Variants in NIN observed in about 807,000 individuals in gnomAD.
NIN encodes the protein glycogen synthase kinase 3 beta-interacting protein.
Under a neutral mutation model 257.6 loss-of-function variants are expected in NIN, and 137 were observed. The ratio of observed to expected loss-of-function variants is 0.53; its 90% CI spans 0.46 to 0.61. The LOEUF is 0.61. Ranked by LOEUF, NIN falls within the 20% of genes least tolerant of loss-of-function variation. The probability of loss-of-function intolerance (pLI) is 0.00; values close to 1 mark genes in which losing one functional copy is unlikely to be tolerated. For synonymous variants in NIN, 918 were observed against 919.8 expected (o/e 1.00, Z 0.04); for missense variants, 2,439 against 2,501.2 (o/e 0.98, Z 0.53).
chr14:50,778,630 G>A (rs2043009767), intron 6 of NIN, 135 bp downstream of exon 6: 1 of 747,760 alleles, frequency 1.3e-6, no homozygotes, highest in Non-Finnish European at 2.4e-6. Context: ...TATCAATTGG[G>A]AATAAATTTT....
In NIN at chr14:50,731,061, A is replaced by G. The variant is rs45585239; in HGVS notation, c.5878-1338T>C. The G allele has an allele frequency of 9.6e-3, 5,800 of 606,740 alleles. 45 individuals are homozygous for G. The highest frequency in any genetic ancestry group is 0.025 in the South Asian group (1,610 of 65,652). The allele number at this position is 606,740 out of a possible 1,614,324, so 37.6% of individuals were successfully genotyped here. On this transcript the variant is annotated intron_variant, in intron 28 of 30. Coordinates refer to ENST00000530997, the MANE Select transcript of NIN (RefSeq NM_020921.4). ...TTAGAGAAAAGTATGAGTAATAAAA[A>G]GAGAAAGAACAGTACTAATTAGGTC...
At chr14:50,724,192 C>A (rs1271142466) in intron 30 of NIN, 1 of 198,674 alleles carries the variant, frequency 5.0e-6, no homozygotes, top group East Asian at 7.9e-5. Context: ...TTGCATGGGG[C>A]CTTGTCTAGT....
intron 4 of NIN, among the ~76,000 whole-genome samples, chr14:50,793,832 C>T (rs2043710608): frequency 6.6e-6 from 1 of 151,986 alleles, no homozygotes; most frequent in Non-Finnish European, 1.5e-5. Flanking sequence ...CAAATGTTAT[C>T]TCAGCTATAG....
At chr14:50,821,217 T>A (rs1354719819) in intron 3 of NIN, among the ~76,000 whole-genome samples, 2 of 152,198 alleles carry the variant, frequency 1.3e-5, no homozygotes, top group East Asian at 3.8e-4. Context: ...TCATGGCAGA[T>A]CAAATATCCA....
chr14:50,812,755 T>C (rs1010634754), intron 3 of NIN, among the ~76,000 whole-genome samples: 6 of 152,224 alleles, frequency 3.9e-5, no homozygotes, highest in Non-Finnish European at 8.8e-5. Context: ...CCGAAATTTA[T>C]TTATGATGTA....
Position 50,821,901 on chromosome 14 carries a change from T to C in NIN, c.156A>G (p.Thr52=), listed in dbSNP as rs754364031. ...TGCCCAAGAGGTTGTCCTGAAGTAA[T>C]GTCTGCTGCAGCACTGGGGCCACCT... The part of the protein sequence containing the change: ...LEEVAPVLQQ[T]LLQDNLLGRV... The change falls in exon 3 of 31, where the codon ACA becomes ACG. Residue 52 remains threonine, a synonymous_variant. Transcript: ENST00000530997. 3.1e-6 allele frequency: 5 copies of C among 1,614,036 alleles called. No individual in the cohort carries two copies. The highest frequency in any genetic ancestry group is 1.1e-5 in the South Asian group (1 of 91,076).
intron 20 of NIN, 30 bp downstream of exon 20, chr14:50,754,533 A>G: frequency 1.3e-6 from 2 of 1,560,992 alleles, no homozygotes; most frequent in Non-Finnish European, 1.7e-6. Flanking sequence ...GGAATCAAAA[A>G]ACATTGAGAA....
intron 16 of NIN, among the ~76,000 whole-genome samples, chr14:50,761,194 T>C (rs778582397): frequency 5.9e-5 from 9 of 152,080 alleles, no homozygotes; most frequent in Non-Finnish European, 1.3e-4. Flanking sequence ...AAAAATCACA[T>C]TTTAGTTGGA....
rs535327279 is a variant in NIN, at chr14:50,772,659, T to G, written c.814-191A>C. ...CTACGGAGCTTATCAAAACCAACTG[T>G]TTTGGTAGAGAGTTCTATGACATAG... On this transcript the variant is annotated intron_variant, in intron 8 of 30. Coordinates refer to ENST00000530997, the MANE Select transcript of NIN (RefSeq NM_020921.4). Among the ~76,000 whole-genome samples the G allele has an allele frequency of 7.9e-5, 12 of 152,270 alleles. No individual in the cohort carries two copies. The East Asian group carries it at 2.3e-3, about 29-fold the overall frequency.
At chr14:50,791,161 G>T (rs1300002696) in intron 5 of NIN, among the ~76,000 whole-genome samples, 1 of 152,126 alleles carries the variant, frequency 6.6e-6, no homozygotes, top group East Asian at 1.9e-4. Context: ...ACCACTCAGG[G>T]TTATAGAACA....
chr14:50,794,528 A>G, intron 4 of NIN: 1 of 980,868 alleles, frequency 1.0e-6, no homozygotes, highest in East Asian at 8.8e-5. Context: ...CACAGATGCT[A>G]GTCAGATAAG....
chr14:50,772,922 A>G (rs749171498), intron 8 of NIN, 27 bp downstream of exon 8: 14 of 1,591,726 alleles, frequency 8.8e-6, no homozygotes, highest in Non-Finnish European at 1.2e-5. Flanking sequence ...TTTATTCACA[A>G]AGAAAGCACT....
At chr14:50,755,648 CT>C (rs71118900) in intron 18 of NIN, among the ~76,000 whole-genome samples, 1,106 of 79,918 alleles carry the variant, frequency 0.014, 21 homozygotes, top group African/African-American at 0.055. Flanking sequence ...TGTTTTGTCT[CT>C]TTTTTTTTTT....
At chr14:50,807,216 C>T (rs919909534) in intron 3 of NIN, among the ~76,000 whole-genome samples, 2 of 152,156 alleles carry the variant, frequency 1.3e-5, no homozygotes, top group African/African-American at 4.8e-5. Flanking sequence ...AAGATGCTTT[C>T]GTATCTTGAG....
chr14:50,750,372 C>A (rs989605094), intron 21 of NIN, among the ~76,000 whole-genome samples: 1 of 152,192 alleles, frequency 6.6e-6, no homozygotes, highest in East Asian at 1.9e-4. Context: ...AATGTAACAT[C>A]AGAGGGCTCA....
chr14:50,761,990 G>C, intron 15 of NIN, 79 bp from the exon 16 acceptor site: 1 of 1,450,422 alleles, frequency 6.9e-7, no homozygotes, highest in Non-Finnish European at 9.6e-7. Context: ...GGGACATCCA[G>C]TTTAACTAAG....
rs767297797 is a variant in NIN, at chr14:50,743,509, T to C, written c.5208A>G (p.Leu1736=). Reference sequence around the variant, plus strand: ...GCTTCATCGTCGCAATTCTATGCTCTAAAAGACTTGATTTTGCCAACTGTT... The same window carrying C: ...GCTTCATCGTCGCAATTCTATGCTCCAAAAGACTTGATTTTGCCAACTGTT... ...CVDKLAKSSL[L]EHRIATMKQE... The change falls in exon 24 of 31, where the codon TTA becomes TTG. Residue 1736 remains leucine, a synonymous_variant. Transcript: ENST00000530997. 1.2e-6 allele frequency: 2 copies of C among 1,613,080 alleles called. No homozygotes were observed. The highest frequency in any genetic ancestry group is 1.7e-5 in the Admixed American group (1 of 59,986).
chr14:50,822,306 T>A (rs573739325), intron 2 of NIN, among the ~76,000 whole-genome samples: 2 of 152,242 alleles, frequency 1.3e-5, no homozygotes, highest in South Asian at 4.1e-4. Flanking sequence ...TAAGCTCAGA[T>A]CACACTGGGA....
Position 50,720,215 on chromosome 14 carries a change from T to C in NIN, c.*3248A>G, listed in dbSNP as rs2040244726. ...GCTTTGACTTGGTTTTTGGCATTAC[T>C]TGTATAATTATATCATTCCAATGAG... On this transcript the variant is annotated 3_prime_UTR_variant, in exon 31 of 31. Coordinates refer to ENST00000530997, the MANE Select transcript of NIN (RefSeq NM_020921.4). 9.0e-6 allele frequency: 2 copies of C among 222,624 alleles called. No homozygotes were observed. Among genetic ancestry groups the C allele is most frequent in the East Asian group, 1.3e-4 (2 of 15,222 alleles). The allele number at this position is 222,624 out of a possible 1,614,324, so 13.8% of individuals were successfully genotyped here. A position where few individuals can be genotyped will look rare whatever the true frequency, so the allele number is the denominator to read the frequency against.
Sources: allele counts gnomAD v4.1 joint callset (sites outside exome capture counted in the v4.1 genomes callset), GRCh38; gene constraint gnomAD v4.1.1; transcripts MANE v1.5; gene names NCBI Gene and HGNC (gene_info 2026-07-23, HGNC 2026-07-21).